The following PCSK6 variants were observed in gnomAD, a reference collection of about 807,000 sequenced individuals.
The protein encoded by PCSK6 is paired basic amino acid cleaving enzyme 4.
Under a neutral mutation model 123.3 loss-of-function variants are expected in PCSK6, and 85 were observed. The observed-to-expected ratio is 0.69, with a 90% confidence interval of 0.58 to 0.83. The LOEUF is 0.83. Ranked by LOEUF, PCSK6 falls within the 40% of genes least tolerant of loss-of-function variation. The probability of loss-of-function intolerance (pLI) is 0.00; values close to 1 mark genes in which losing one functional copy is unlikely to be tolerated. For synonymous variants in PCSK6, 508 were observed against 516.0 expected (o/e 0.98, Z 0.21); for missense variants, 1,191 against 1,282.3 (o/e 0.93, Z 1.09).
At chr15:101,426,813 C>T (rs961756865) in intron 6 of PCSK6, among the ~76,000 whole-genome samples, 5 of 148,898 alleles carry the variant, frequency 3.4e-5, no homozygotes, top group African/African-American at 1.3e-4. Flanking sequence ...CACCAAGGCT[C>T]GGTGGCAGAA....
intron 2 of PCSK6, among the ~76,000 whole-genome samples, chr15:101,436,502 G>T (rs192062365): frequency 6.6e-6 from 1 of 152,346 alleles, no homozygotes; most frequent in Admixed American, 6.5e-5. Context: ...GAAAGAACAA[G>T]GGGACTGCAA....
At chr15:101,318,114 T>C (rs529458216) in intron 19 of PCSK6, among the ~76,000 whole-genome samples, 13 of 152,388 alleles carry the variant, frequency 8.5e-5, no homozygotes, top group Admixed American at 2.0e-4. Context: ...TTTCTCAAGT[T>C]GAGACTCTGT....
At chr15:101,484,049 G>A (rs920892393) in intron 1 of PCSK6, among the ~76,000 whole-genome samples, 1 of 152,054 alleles carries the variant, frequency 6.6e-6, no homozygotes, top group East Asian at 1.9e-4. Flanking sequence ...CAATATACGT[G>A]TGTTTATATA....
rs181349832 is a variant in PCSK6 at position 101,486,582 on chromosome 15, C to T, written c.297+2792G>A. On this transcript the variant is annotated intron_variant, in intron 1 of 21. Transcript: ENST00000611716. The stretch of plus-strand genomic sequence containing the variant: ...TGATGAGTAGAGGGACAAAGAGAGG[C>T]TGTCTTGTCTTGTCCCTGGTGATGC... Among the ~76,000 whole-genome samples, 174 of 152,340 alleles carry T rather than the reference C, an allele frequency of 1.1e-3. 1 individual carries two copies. The highest frequency in any genetic ancestry group is 1.8e-3 in the Admixed American group (28 of 15,306).
intron 19 of PCSK6, among the ~76,000 whole-genome samples, chr15:101,317,658 G>T (rs758139712): frequency 6.6e-6 from 1 of 152,148 alleles, no homozygotes; most frequent in African/African-American, 2.4e-5. Context: ...TGTCCGCGCC[G>T]TTCCACAGCA....
rs543158922 is a variant in PCSK6 at position 101,347,751 on chromosome 15, C to T, written c.1859-15720G>A. The T allele has an allele frequency of 1.3e-5, 21 of 1,613,808 alleles. No homozygotes were observed. The East Asian group carries it at 2.0e-4, about 15-fold the overall frequency. ...CCAAAGCTCTTGTTCAATCTGCCACCGGAACACGTGTTTTAGTCCAGGTTC... is the reference window on the plus strand; with the variant it reads ...CCAAAGCTCTTGTTCAATCTGCCACTGGAACACGTGTTTTAGTCCAGGTTC... On this transcript the variant is annotated intron_variant, in intron 13 of 21. Transcript: ENST00000611716.
At chr15:101,444,581 C>A (rs941806168) in intron 1 of PCSK6, among the ~76,000 whole-genome samples, 1 of 152,174 alleles carries the variant, frequency 6.6e-6, no homozygotes, top group Non-Finnish European at 1.5e-5. Flanking sequence ...ATGATGATTA[C>A]AAACATGGGT....
At position 101,410,914 on chromosome 15, in the gene PCSK6, A is replaced by G. The variant is rs576593483; in HGVS notation, c.824-12338T>C. Among the ~76,000 whole-genome samples the G allele has an allele frequency of 2.9e-4, 44 of 152,356 alleles. 1 individual carries two copies. In the South Asian group the frequency reaches 7.9e-3, roughly 27 times the overall value. On this transcript the variant is annotated intron_variant, in intron 6 of 21. Transcript: ENST00000611716. ...CTAAGAACTGGATGCAAAGATGACT[A>G]CAAGTGCTTGGCAACCAACAGCAAT...
In PCSK6 at chr15:101,398,613, G is replaced by A; in HGVS notation, c.824-37C>T. On this transcript the variant is annotated intron_variant, in intron 6 of 21. Coordinates refer to ENST00000611716, the MANE Select transcript of PCSK6 (RefSeq NM_002570.5). The surrounding 1 kb of genome is among the most constrained non-coding windows in gnomAD (Gnocchi z 4.6). ...GAGGAGGCTCGGTGTCGGCGCCCAG[G>A]CTCCGGGCACACAGCGACGGGAACC... 2 of 1,588,650 alleles carry A rather than the reference G, an allele frequency of 1.3e-6. No individual in the cohort carries two copies. The highest frequency in any genetic ancestry group is 1.7e-6 in the Non-Finnish European group (2 of 1,166,648).
intron 15 of PCSK6, 119 bp downstream of exon 15, chr15:101,331,532 G>T: frequency 2.4e-6 from 2 of 844,208 alleles, no homozygotes; most frequent in Non-Finnish European, 4.0e-6. Context: ...TTGGAAAGGG[G>T]GTGCTCCTAG....
Position 101,443,777 on chromosome 15 carries a change from C to T in PCSK6, c.298-117G>A, listed in dbSNP as rs1273645208. The T allele has an allele frequency of 4.2e-6, 3 of 715,260 alleles. No homozygotes were observed. In the African/African-American group the frequency reaches 5.2e-5, roughly 12 times the overall value. 44.3% of individuals were successfully genotyped at this position (715,260 alleles called of 1,614,324 possible). Reference sequence around the variant, plus strand: ...GGGGCTCATTCTCCCAGAGGAAACACACCCTCCATCACCCTGCTCCTCATA... The same window carrying T: ...GGGGCTCATTCTCCCAGAGGAAACATACCCTCCATCACCCTGCTCCTCATA... On this transcript the variant is annotated intron_variant, in intron 1 of 21. Coordinates refer to ENST00000611716, the MANE Select transcript of PCSK6 (RefSeq NM_002570.5).
At chr15:101,482,137 G>A (rs1470656986) in intron 1 of PCSK6, among the ~76,000 whole-genome samples, 1 of 152,280 alleles carries the variant, frequency 6.6e-6, no homozygotes, top group Non-Finnish European at 1.5e-5. Flanking sequence ...CTTTGTCTGG[G>A]AAGCAGGTAC....
At chr15:101,391,020 C>A (rs1316597559) in intron 8 of PCSK6, among the ~76,000 whole-genome samples, 1 of 152,068 alleles carries the variant, frequency 6.6e-6, no homozygotes, top group African/African-American at 2.4e-5. Context: ...TCCTTGCACA[C>A]GTTTGAGCTG....
chr15:101,348,245 G>T (rs571667147), intron 13 of PCSK6, among the ~76,000 whole-genome samples: 1 of 152,244 alleles, frequency 6.6e-6, no homozygotes, highest in African/African-American at 2.4e-5. Context: ...GCTTCACCGT[G>T]GGGGAGGCTG....
intron 20 of PCSK6, among the ~76,000 whole-genome samples, chr15:101,311,757 G>A (rs866485773): frequency 1.2e-3 from 1 of 860 alleles, no homozygotes; most frequent in Non-Finnish European, 2.3e-3. Context: ...CCACCCCATC[G>A]TCACCCCTCA....
In PCSK6 at chr15:101,305,075, T is replaced by G; in HGVS notation, c.*183A>C. The G allele has an allele frequency of 1.7e-6, 1 of 583,862 alleles. No homozygotes were observed. Among genetic ancestry groups the G allele is most frequent in the Non-Finnish European group, 3.1e-6 (1 of 326,516 alleles). The allele number at this position is 583,862 out of a possible 1,614,324, so 36.2% of individuals were successfully genotyped here. A position where few individuals can be genotyped will look rare whatever the true frequency, so the allele number is the denominator to read the frequency against. ...AGCATTTGAGAGGATATCACCATTT[T>G]AGGAACACCTCCTTAAGAGCCACCA... On this transcript the variant is annotated 3_prime_UTR_variant, in exon 22 of 22. Transcript: ENST00000611716. The surrounding 1 kb of genome is among the most constrained non-coding windows in gnomAD (Gnocchi z 4.8).
chr15:101,305,005 T>G lies in PCSK6; in HGVS notation c.*253A>C. The G allele has an allele frequency of 2.1e-6, 1 of 477,736 alleles. No homozygotes were observed. Among genetic ancestry groups the G allele is most frequent in the Non-Finnish European group, 3.7e-6 (1 of 267,090 alleles). The allele number at this position is 477,736 out of a possible 1,614,324, so 29.6% of individuals were successfully genotyped here. A position where few individuals can be genotyped will look rare whatever the true frequency, so the allele number is the denominator to read the frequency against. ...AGCCAGAGCTGTGGATTCCCAGAAT[T>G]CATTTTGTTCCTGTTAGTTTGTCGG... On this transcript the variant is annotated 3_prime_UTR_variant, in exon 22 of 22. Transcript: ENST00000611716. The surrounding 1 kb of genome is among the most constrained non-coding windows in gnomAD (Gnocchi z 4.8).
chr15:101,389,628 G>GCCCA, intron 8 of PCSK6, 64 bp from the exon 9 acceptor site: 3 of 1,327,778 alleles, frequency 2.3e-6, no homozygotes, highest in Non-Finnish European at 3.2e-6. Flanking sequence ...CTGTGGAGAA[G>GCCCA]GCTGGGCTAC....
chr15:101,313,014 T>G, intron 20 of PCSK6: 9 of 1,169,350 alleles, frequency 7.7e-6, no homozygotes, highest in Non-Finnish European at 5.4e-6. Context: ...CCAAAAAAAT[T>G]TTTTTTTAAC....
Sources: allele counts gnomAD v4.1 joint callset (sites outside exome capture counted in the v4.1 genomes callset), GRCh38; gene constraint gnomAD v4.1.1; non-coding constraint Gnocchi (gnomAD v3.1); transcripts MANE v1.5; gene names NCBI Gene and HGNC (gene_info 2026-07-23, HGNC 2026-07-21).